Variants in DENND2A observed in about 807,000 individuals in gnomAD.
The protein encoded by DENND2A is DENN domain containing 2A.
DENND2A carries 53 observed loss-of-function variants against 105.3 expected under a neutral mutation model. The ratio of observed to expected loss-of-function variants is 0.50; its 90% CI spans 0.40 to 0.63. The LOEUF (loss-of-function observed/expected upper bound fraction) is 0.63, where lower values mean the gene tolerates loss of function less well. Among genes scored for constraint, DENND2A ranks in the 30% least tolerant of loss-of-function variants. DENND2A has a pLI of 0.00. For missense variants in DENND2A, 1,138 were observed against 1,279.6 expected, an observed-to-expected ratio of 0.89 and a Z score of 1.69; for synonymous variants, 522 against 508.4, an observed-to-expected ratio of 1.03 and a Z score of -0.36.
rs1157495861 is a variant in DENND2A at position 140,592,109 on chromosome 7, G to A, written c.996-4329C>T. Among the ~76,000 whole-genome samples, 9 of 144,858 alleles carry A rather than the reference G, an allele frequency of 6.2e-5. No individual in the cohort carries two copies. In the South Asian group the frequency reaches 8.8e-4, roughly 14 times the overall value. ...GCTCTTGTCACCCAGGTGCAATCTC[G>A]GCTCGCTGCAGCCTCTGCCCTCTGG... On this transcript the variant is annotated intron_variant, in intron 3 of 19. Transcript: ENST00000496613.
At chr7:140,576,669 T>A (rs1437416947) in intron 5 of DENND2A, among the ~76,000 whole-genome samples, 1 of 152,226 alleles carries the variant, frequency 6.6e-6, no homozygotes, top group Non-Finnish European at 1.5e-5. Flanking sequence ...AAATAAAGAC[T>A]CCTAGTTTCC....
chr7:140,595,304 G>A (rs189915073), intron 3 of DENND2A, among the ~76,000 whole-genome samples: 1,884 of 152,144 alleles, frequency 0.012, 25 homozygotes, highest in Non-Finnish European at 0.021. Flanking sequence ...ACCATGCCTG[G>A]CCCCGTGAAT....
At chr7:140,557,052 A>G (rs1158650115) in intron 11 of DENND2A, among the ~76,000 whole-genome samples, 2 of 146,290 alleles carry the variant, frequency 1.4e-5, no homozygotes, top group East Asian at 2.0e-4. Flanking sequence ...GTTTTATTAG[A>G]AAAAAAAAAA....
At position 140,633,999 on chromosome 7, in the gene DENND2A, C is replaced by CT. The variant is rs758022614; in HGVS notation, c.-248+6504dup. Among the ~76,000 whole-genome samples, 632 of 142,092 alleles carry CT rather than the reference C, an allele frequency of 4.4e-3. 3 individuals carry two copies. Among genetic ancestry groups the CT allele is most frequent in the Admixed American group, 0.014 (200 of 14,068 alleles). The allele number at this position is 142,092 out of a possible 152,430, so 93.2% of individuals were successfully genotyped here. ...GGAATTGCGAGATTAAAATAGATTT[C>CT]TTTTTTTTTTTTTTTCCGAGACAGA... On this transcript the variant is annotated intron_variant, in intron 1 of 19. Transcript: ENST00000496613.
At chr7:140,610,291 A>G (rs1799847028) in intron 1 of DENND2A, among the ~76,000 whole-genome samples, 3 of 110,924 alleles carry the variant, frequency 2.7e-5, no homozygotes, top group African/African-American at 1.8e-4. Flanking sequence ...AGTCTTAAGG[A>G]AAAAAAAAAA....
intron 1 of DENND2A, among the ~76,000 whole-genome samples, chr7:140,636,873 AT>A (rs1185478049): frequency 6.6e-6 from 1 of 151,560 alleles, no homozygotes; most frequent in Non-Finnish European, 1.5e-5. Flanking sequence ...TTATTTATTT[AT>A]TTTTGAGATG....
chr7:140,559,023 G>A lies in DENND2A; in HGVS notation c.1889+685C>T, dbSNP rs1329393335. Among the ~76,000 whole-genome samples the A allele has an allele frequency of 6.6e-6, 1 of 152,094 alleles. No homozygotes were observed. Among genetic ancestry groups the A allele is most frequent in the Non-Finnish European group, 1.5e-5 (1 of 68,012 alleles). ...ACTGTCATTTACTCTGGAGGCTAAA[G>A]AGAGGGAAGAGCCTGGGGTGCTGTC... is the stretch of plus-strand genomic sequence containing the variant. On this transcript the variant is annotated intron_variant, in intron 10 of 19. Coordinates refer to ENST00000496613, the MANE Select transcript of DENND2A (RefSeq NM_015689.5). This position sits in a 1 kb window ranked among gnomAD's most constrained non-coding sequence, Gnocchi z 4.1.
chr7:140,627,530 TA>T (rs1406466673), intron 1 of DENND2A, among the ~76,000 whole-genome samples: 1 of 123,388 alleles, frequency 8.1e-6, no homozygotes, highest in Non-Finnish European at 1.8e-5. Context: ...TTTATTTATT[TA>T]TTTTTTTTTG....
At chr7:140,609,496 G>C (rs938589304) in intron 1 of DENND2A, among the ~76,000 whole-genome samples, 8 of 152,170 alleles carry the variant, frequency 5.3e-5, no homozygotes, top group East Asian at 1.9e-4. Flanking sequence ...CTGGGCAACA[G>C]AGTGAGACTC....
intron 15 of DENND2A, among the ~76,000 whole-genome samples, chr7:140,526,213 G>A (rs1305766672): frequency 6.6e-6 from 1 of 152,214 alleles, no homozygotes; most frequent in Non-Finnish European, 1.5e-5. Context: ...TCCCTCCAGG[G>A]GAGAGGAGGA....
chr7:140,561,498 C>CTTTTTTTTT (rs536896244), intron 9 of DENND2A, among the ~76,000 whole-genome samples: 4 of 102,516 alleles, frequency 3.9e-5, no homozygotes, highest in African/African-American at 7.3e-5. Flanking sequence ...TTTCTGTTGT[C>CTTTTTTTTT]TTTTTTTTTT....
At chr7:140,529,889 G>A (rs144094481) in intron 14 of DENND2A, among the ~76,000 whole-genome samples, 2,978 of 151,986 alleles carry the variant, frequency 0.02, 97 homozygotes, top group African/African-American at 0.068. Flanking sequence ...ACATGTATAC[G>A]TATGTAACAG....
chr7:140,520,631 T>C (rs1795821487), intron 18 of DENND2A, among the ~76,000 whole-genome samples: 1 of 151,958 alleles, frequency 6.6e-6, no homozygotes, highest in Non-Finnish European at 1.5e-5. Context: ...CCACTGTGGC[T>C]CACTGCAAGC....
At chr7:140,585,753 G>C in intron 4 of DENND2A, 43 bp from the exon 5 acceptor site, 1 of 1,612,828 alleles carries the variant, frequency 6.2e-7, no homozygotes, top group South Asian at 1.1e-5. Flanking sequence ...GAACACTGAG[G>C]ACATTTCCCT....
At chr7:140,641,240 C>T (rs1207820372), upstream of DENND2A, among the ~76,000 whole-genome samples, 1 of 151,912 alleles carries the variant, frequency 6.6e-6, no homozygotes, top group African/African-American at 2.4e-5. Context: ...TGCCGTCGGG[C>T]CGGGGTAATG....
At chr7:140,616,849 C>T (rs1800100690) in intron 1 of DENND2A, among the ~76,000 whole-genome samples, 2 of 152,148 alleles carry the variant, frequency 1.3e-5, no homozygotes, top group South Asian at 4.1e-4. Context: ...TTTGCCCTCT[C>T]CTTTGTAAGG....
chr7:140,583,900 T>C (rs564056506), intron 5 of DENND2A, among the ~76,000 whole-genome samples: 1 of 138,780 alleles, frequency 7.2e-6, no homozygotes, highest in African/African-American at 3.0e-5. Context: ...CACTCCAGCC[T>C]GGGCGACAGA....
rs1444454406 is a variant in DENND2A at position 140,602,231 on chromosome 7, T to C, written c.167A>G (p.Lys56Arg). 26 of 1,613,980 alleles carry C rather than the reference T, an allele frequency of 1.6e-5. No homozygotes were observed. Among genetic ancestry groups the C allele is most frequent in the Non-Finnish European group, 2.0e-5 (24 of 1,180,022 alleles). ...IKDKISEWEG[K>R]KEVPTPAPSR... The stretch of plus-strand genomic sequence containing the variant: ...GGGTGCAGGAGTGGGCACCTCTTTC[T>C]TCCCTTCCCATTCTGATATCTTGTC... Residue 56 changes from lysine to arginine, a missense_variant, in exon 3 of 20, where the codon AAG (lysine) becomes AGG (arginine). Physicochemically the swap from Lys to Arg is conservative, Grantham distance 26. Around this residue, in one of 2 missense-constraint regions of DENND2A, gnomAD observed 511 missense variants for 499.9 expected, o/e 1.02. Coordinates refer to ENST00000496613, the MANE Select transcript of DENND2A (RefSeq NM_015689.5).
intron 8 of DENND2A, 31 bp from the exon 9 acceptor site, chr7:140,567,304 A>AG (rs1554470084): frequency 0.014 from 8,891 of 656,292 alleles, 85 homozygotes; most frequent in African/African-American, 0.02. Flanking sequence ...GAAAGAGAGA[A>AG]AGAGAGAGAG....
Sources: gnomAD v4.1 joint callset for allele counts (sites outside exome capture counted in the v4.1 genomes callset) on GRCh38, gnomAD v4.1.1 for gene constraint, gnomAD v4.1.1 regional missense constraint, Gnocchi (gnomAD v3.1) non-coding constraint, MANE v1.5 for transcripts, NCBI Gene and HGNC (gene_info 2026-07-23, HGNC 2026-07-21) for gene names.